Variants in PTPRD observed in about 807,000 individuals in gnomAD.
PTPRD encodes the protein protein tyrosine phosphatase receptor type D.
PTPRD carries 34 observed loss-of-function variants against 214.5 expected under a neutral mutation model. The observed-to-expected ratio is 0.16, with a 90% CI of 0.12 to 0.21. The LOEUF (loss-of-function observed/expected upper bound fraction) is 0.21, where lower values mean the gene tolerates loss of function less well. PTPRD is among the 10% of genes least tolerant of loss of function. PTPRD has a pLI of 1.00. For missense variants in PTPRD, 2,545 were observed against 2,398.7 expected (o/e 1.06, Z -1.27); for synonymous variants, 1,128 against 845.7 (o/e 1.33, Z -5.79).
chr9:9,922,915 A>G (rs1284881946), intron 5 of PTPRD, among the ~76,000 whole-genome samples: 1 of 151,706 alleles, frequency 6.6e-6, no homozygotes, highest in African/African-American at 2.4e-5. Flanking sequence ...ATCATGCTAT[A>G]AAGAATTGGC....
At chr9:9,622,937 T>C (rs1241281508) in intron 7 of PTPRD, among the ~76,000 whole-genome samples, 1 of 152,170 alleles carries the variant, frequency 6.6e-6, no homozygotes, top group Non-Finnish European at 1.5e-5. Flanking sequence ...TTTCACATCA[T>C]TGAGATAGGT....
intron 7 of PTPRD, among the ~76,000 whole-genome samples, chr9:9,606,811 T>C (rs2094185157): frequency 6.6e-6 from 1 of 151,094 alleles, no homozygotes; most frequent in Non-Finnish European, 1.5e-5. Context: ...CCTAAGACAA[T>C]AAATGATCAT....
chr9:10,498,713 C>T (rs1033124913), intron 2 of PTPRD, among the ~76,000 whole-genome samples: 1 of 151,768 alleles, frequency 6.6e-6, no homozygotes, highest in Non-Finnish European at 1.5e-5. Flanking sequence ...AATTTTCACA[C>T]CAATAAACTT....
intron 12 of PTPRD, among the ~76,000 whole-genome samples, chr9:8,671,679 C>T (rs953376604): frequency 6.6e-5 from 10 of 152,134 alleles, no homozygotes; most frequent in African/African-American, 1.2e-4. Context: ...TTTAAAGAGG[C>T]ATAGACCTAA....
intron 3 of PTPRD, among the ~76,000 whole-genome samples, chr9:10,265,932 C>T (rs973201821): frequency 3.9e-5 from 6 of 152,096 alleles, no homozygotes; most frequent in African/African-American, 1.2e-4. Flanking sequence ...GCTTTCATCA[C>T]TGAATAGAAT....
intron 8 of PTPRD, among the ~76,000 whole-genome samples, chr9:9,468,426 C>T (rs1445288673): frequency 6.6e-6 from 1 of 152,030 alleles, no homozygotes; most frequent in East Asian, 1.9e-4. Context: ...TAAACACATA[C>T]ACAAGTATAC....
At chr9:10,303,816 C>A (rs931655041) in intron 3 of PTPRD, among the ~76,000 whole-genome samples, 1 of 152,072 alleles carries the variant, frequency 6.6e-6, no homozygotes, top group Admixed American at 6.6e-5. Flanking sequence ...GGATTCACAG[C>A]CAAATTCTAC....
At chr9:10,559,926 T>C (rs1192135903) in intron 2 of PTPRD, among the ~76,000 whole-genome samples, 2 of 152,064 alleles carry the variant, frequency 1.3e-5, no homozygotes, top group African/African-American at 2.4e-5. Context: ...CTGGAGAGGA[T>C]ATGGAGAAAT....
At chr9:9,833,688 GGC>G (rs1555186510) in intron 5 of PTPRD, among the ~76,000 whole-genome samples, 1 of 149,108 alleles carries the variant, frequency 6.7e-6, no homozygotes, top group Non-Finnish European at 1.5e-5. Context: ...CGGAGAGGGG[GGC>G]AGTTCAGAGA....
Position 9,113,897 on chromosome 9 carries a change from G to C in PTPRD, c.-143+69407C>G, listed in dbSNP as rs190457268. Among the ~76,000 whole-genome samples the C allele has an allele frequency of 7.6e-4, 116 of 152,228 alleles. 1 individual carries two copies. Among genetic ancestry groups the C allele is most frequent in the African/African-American group, 2.6e-3 (106 of 41,554 alleles). On this transcript the variant is annotated intron_variant, in intron 10 of 45. Coordinates refer to ENST00000381196, the MANE Select transcript of PTPRD (RefSeq NM_002839.4). ...ATATGCTATAGTAAGGTATCAACTG[G>C]CTTAGTATTCACCAAAAAATGCTCT... is the stretch of plus-strand genomic sequence containing the variant.
intron 7 of PTPRD, among the ~76,000 whole-genome samples, chr9:9,708,850 C>T (rs2097674179): frequency 6.6e-6 from 1 of 151,916 alleles, no homozygotes; most frequent in South Asian, 2.1e-4. Flanking sequence ...AGTTACACCT[C>T]ATTGTAAATT....
At chr9:10,004,349 CA>C (rs1377498349) in intron 4 of PTPRD, among the ~76,000 whole-genome samples, 2 of 151,722 alleles carry the variant, frequency 1.3e-5, no homozygotes, top group Non-Finnish European at 2.9e-5. Context: ...AAAGTCATTT[CA>C]AAAAACTATT....
chr9:9,403,632 G>A (rs2071912539), intron 8 of PTPRD, among the ~76,000 whole-genome samples: 1 of 151,956 alleles, frequency 6.6e-6, no homozygotes, highest in Admixed American at 6.6e-5. Flanking sequence ...AAACAAATCA[G>A]TAAGTAAATA....
chr9:10,031,436 T>G (rs958107613), intron 4 of PTPRD, among the ~76,000 whole-genome samples: 3 of 151,276 alleles, frequency 2.0e-5, no homozygotes, highest in African/African-American at 7.3e-5. Flanking sequence ...CAGAAAAATG[T>G]GAAAAGGCGA....
At chr9:9,829,975 C>T (rs2054271108) in intron 5 of PTPRD, among the ~76,000 whole-genome samples, 1 of 151,684 alleles carries the variant, frequency 6.6e-6, no homozygotes, top group Non-Finnish European at 1.5e-5. Context: ...CTTTCTTTTG[C>T]ATGCTTATCT....
chr9:10,535,772 GA>G (rs1301725091), intron 2 of PTPRD, among the ~76,000 whole-genome samples: 4 of 152,100 alleles, frequency 2.6e-5, no homozygotes, highest in Admixed American at 6.6e-5. Flanking sequence ...ACAGCAAGTT[GA>G]AAATTGATAT....
chr9:8,859,805 G>GT lies in PTPRD; in HGVS notation c.-103-125860_-103-125859insA, dbSNP rs1555444939. Among the ~76,000 whole-genome samples the GT allele has an allele frequency of 1.7e-3, 89 of 53,620 alleles. 1 individual carries two copies. Among genetic ancestry groups the GT allele is most frequent in the Non-Finnish European group, 4.5e-3 (76 of 16,804 alleles). The allele number at this position is 53,620 out of a possible 152,430, so 35.2% of individuals were successfully genotyped here. A position where few individuals can be genotyped will look rare whatever the true frequency, so the allele number is the denominator to read the frequency against. On this transcript the variant is annotated intron_variant, in intron 11 of 45. Transcript: ENST00000381196. ...ACGAAGTTTAGTTTTCCAGCAATTT[G>GT]GGGGTGGGGGAGGAGCATCCCTGCA... is the stretch of plus-strand genomic sequence containing the variant.
intron 14 of PTPRD, among the ~76,000 whole-genome samples, chr9:8,584,928 T>C (rs745610086): frequency 2.0e-5 from 3 of 152,154 alleles, no homozygotes; most frequent in Non-Finnish European, 4.4e-5. Flanking sequence ...AAGTCCCTTA[T>C]AAAACCATCA....
chr9:10,081,815 T>C (rs1335595586), intron 3 of PTPRD, among the ~76,000 whole-genome samples: 3 of 152,128 alleles, frequency 2.0e-5, no homozygotes, highest in South Asian at 4.1e-4. Flanking sequence ...ATTCGGGTTT[T>C]AAATTTTTTC....
Sources: gnomAD v4.1 joint callset for allele counts (sites outside exome capture counted in the v4.1 genomes callset) on GRCh38, gnomAD v4.1.1 for gene constraint, MANE v1.5 for transcripts, NCBI Gene and HGNC (gene_info 2026-07-23, HGNC 2026-07-21) for gene names.